Variants in NPAS2 observed in about 807,000 individuals in gnomAD.
The protein encoded by NPAS2 is neuronal PAS domain-containing protein 2.
NPAS2 carries 23 observed loss-of-function variants against 107.5 expected under a neutral mutation model. The observed-to-expected ratio is 0.21, with a 90% CI of 0.15 to 0.30. The LOEUF is 0.30. Among genes scored for constraint, NPAS2 ranks in the 10% least tolerant of loss-of-function variants. The probability of loss-of-function intolerance (pLI) is 1.00; values close to 1 mark genes in which losing one functional copy is unlikely to be tolerated. For missense variants in NPAS2, 756 were observed against 1,043.3 expected (o/e 0.72, Z 3.79); for synonymous variants, 403 against 417.5 (o/e 0.97, Z 0.42).
chr2:100,878,902 T>A (rs972751269), intron 1 of NPAS2, among the ~76,000 whole-genome samples: 28 of 152,056 alleles, frequency 1.8e-4, no homozygotes, highest in African/African-American at 6.8e-4. Context: ...GTGGATCACT[T>A]GAGGTCAGGA....
chr2:100,960,706 C>A (rs896287143), intron 7 of NPAS2, among the ~76,000 whole-genome samples: 5 of 152,136 alleles, frequency 3.3e-5, no homozygotes, highest in African/African-American at 1.2e-4. Context: ...GGGCCACCAG[C>A]AGCACCAAGG....
Position 100,976,886 on chromosome 2 carries a change from C to T in NPAS2, c.1393-824C>T, listed in dbSNP as rs1032830829. On this transcript the variant is annotated intron_variant, in intron 14 of 20. Transcript: ENST00000335681. The surrounding 1 kb of genome is among the most constrained non-coding windows in gnomAD (Gnocchi z 4.1). ...ACCAGCTTCTGGATCAGCCCTGTGCCTGGGATTTCTCACTGAAACAAGGTC... is the reference window on the plus strand; with the variant it reads ...ACCAGCTTCTGGATCAGCCCTGTGCTTGGGATTTCTCACTGAAACAAGGTC... 6.6e-6 allele frequency: 1 copy of T among 152,134 alleles called. No individual in the cohort carries two copies. The highest frequency in any genetic ancestry group is 1.5e-5 in the Non-Finnish European group (1 of 68,050). The allele number at this position is 152,134 out of a possible 1,614,324, so 9.4% of individuals were successfully genotyped here.
At position 100,995,911 on chromosome 2, in the gene NPAS2, C is replaced by T. The variant is rs530418542; in HGVS notation, c.*329C>T. On this transcript the variant is annotated 3_prime_UTR_variant, in exon 21 of 21. Coordinates refer to ENST00000335681, the MANE Select transcript of NPAS2 (RefSeq NM_002518.4). ...CTCGCTGCATCCCCCGAGAGTACACCGGTTGCTCTAGCCACCTGCGGCCCG... is the reference window on the plus strand; with the variant it reads ...CTCGCTGCATCCCCCGAGAGTACACTGGTTGCTCTAGCCACCTGCGGCCCG... The T allele has an allele frequency of 1.9e-5, 27 of 1,429,464 alleles. 1 individual carries two copies. In the Admixed American group the frequency reaches 3.0e-4, roughly 16 times the overall value. The allele number at this position is 1,429,464 out of a possible 1,614,324, so 88.5% of individuals were successfully genotyped here.
intron 1 of NPAS2, among the ~76,000 whole-genome samples, chr2:100,871,938 A>C (rs1679615877): frequency 6.6e-6 from 1 of 152,066 alleles, no homozygotes; most frequent in Admixed American, 6.6e-5. Context: ...CCTTTGGGGG[A>C]AGGCAGATAT....
At chr2:100,949,330 G>A (rs368720531) in intron 6 of NPAS2, 37 bp from the exon 7 acceptor site, 60 of 1,201,462 alleles carry the variant, frequency 5.0e-5, no homozygotes, top group Non-Finnish European at 6.7e-5. Flanking sequence ...CAATGCTCAC[G>A]ACCCCTTTCT....
At chr2:100,843,692 CTTGA>C (rs1298724390) in intron 1 of NPAS2, among the ~76,000 whole-genome samples, 1 of 152,038 alleles carries the variant, frequency 6.6e-6, no homozygotes, top group Non-Finnish European at 1.5e-5. Flanking sequence ...TTAACATTTT[CTTGA>C]TTAAGAAAAA....
intron 1 of NPAS2, among the ~76,000 whole-genome samples, chr2:100,842,081 G>GTGCGCGCGCACACACACACA (rs1553441796): frequency 6.7e-6 from 1 of 148,798 alleles, no homozygotes; most frequent in Non-Finnish European, 1.5e-5. Flanking sequence ...GCATGTACGC[G>GTGCGCGCGCACACACACACA]CACACACACA....
intron 1 of NPAS2, among the ~76,000 whole-genome samples, chr2:100,863,414 G>T (rs779067579): frequency 6.6e-6 from 1 of 152,222 alleles, no homozygotes; most frequent in African/African-American, 2.4e-5. Flanking sequence ...CTGTGTGTTA[G>T]AGAAAGAGAT....
chr2:100,958,212 G>A lies in NPAS2; in HGVS notation c.599-5846G>A, dbSNP rs547644037. Among the ~76,000 whole-genome samples the A allele has an allele frequency of 1.3e-4, 20 of 152,208 alleles. 1 individual carries two copies. In the East Asian group the frequency reaches 2.7e-3, roughly 21 times the overall value. Reference sequence around the variant, plus strand: ...TCGTTTTACCTACTCGCCTCTAACCGCACAACCAGATTTGAAATACTGGCA... The same window carrying A: ...TCGTTTTACCTACTCGCCTCTAACCACACAACCAGATTTGAAATACTGGCA... On this transcript the variant is annotated intron_variant, in intron 7 of 20. Coordinates refer to ENST00000335681, the MANE Select transcript of NPAS2 (RefSeq NM_002518.4).
At chr2:100,901,711 C>G (rs1681791761) in intron 1 of NPAS2, 1 of 195,698 alleles carries the variant, frequency 5.1e-6, no homozygotes, top group Admixed American at 6.5e-5. Flanking sequence ...TAATTTCCCT[C>G]TTGTCCCTTC....
At chr2:100,974,062 G>A (rs1317769683) in intron 12 of NPAS2, among the ~76,000 whole-genome samples, 1 of 151,958 alleles carries the variant, frequency 6.6e-6, no homozygotes, top group Non-Finnish European at 1.5e-5. Context: ...GGCTGGTCTC[G>A]AACTCCTGAC....
chr2:100,835,462 G>A (rs550980114), intron 1 of NPAS2, among the ~76,000 whole-genome samples: 112 of 152,252 alleles, frequency 7.4e-4, no homozygotes, highest in Non-Finnish European at 1.3e-3. Flanking sequence ...TTTGGTGTCC[G>A]TGCTCGACTC....
At chr2:100,956,421 G>A (rs1158642837) in intron 7 of NPAS2, among the ~76,000 whole-genome samples, 1 of 152,038 alleles carries the variant, frequency 6.6e-6, no homozygotes, top group African/African-American at 2.4e-5. Context: ...ATGTCCATGT[G>A]TACTCAATAT....
intron 1 of NPAS2, among the ~76,000 whole-genome samples, chr2:100,852,144 C>T (rs886508716): frequency 2.0e-5 from 3 of 152,094 alleles, no homozygotes; most frequent in Admixed American, 2.0e-4. Flanking sequence ...TGCCTGTAAT[C>T]CCAGCACTTT....
chr2:100,823,901 G>T (rs1469279036), intron 1 of NPAS2, among the ~76,000 whole-genome samples: 5 of 152,276 alleles, frequency 3.3e-5, no homozygotes, highest in African/African-American at 1.2e-4. Context: ...TGAATGGAGA[G>T]CCTTGTGACT....
intron 12 of NPAS2, among the ~76,000 whole-genome samples, chr2:100,974,364 G>A (rs1459124166): frequency 6.6e-6 from 1 of 152,152 alleles, no homozygotes; most frequent in Non-Finnish European, 1.5e-5. Flanking sequence ...TGCAGAGAAT[G>A]AGTAACAGGA....
chr2:100,886,735 G>A (rs1680724043), intron 1 of NPAS2, among the ~76,000 whole-genome samples: 1 of 152,200 alleles, frequency 6.6e-6, no homozygotes, highest in Non-Finnish European at 1.5e-5. Flanking sequence ...ATAAATGGTA[G>A]ATTTCCCATC....
At chr2:100,882,823 A>G (rs1680458867) in intron 1 of NPAS2, among the ~76,000 whole-genome samples, 1 of 151,924 alleles carries the variant, frequency 6.6e-6, no homozygotes, top group Non-Finnish European at 1.5e-5. Context: ...ACGCACACAC[A>G]TGCCATGCAC....
intron 6 of NPAS2, 37 bp from the exon 7 acceptor site, chr2:100,949,330 G>C (rs368720531): frequency 3.3e-6 from 4 of 1,201,462 alleles, no homozygotes; most frequent in Non-Finnish European, 5.0e-6. Flanking sequence ...CAATGCTCAC[G>C]ACCCCTTTCT....
Sources: gnomAD v4.1 joint callset for allele counts (sites outside exome capture counted in the v4.1 genomes callset) on GRCh38, gnomAD v4.1.1 for gene constraint, Gnocchi (gnomAD v3.1) non-coding constraint, MANE v1.5 for transcripts, NCBI Gene and HGNC (gene_info 2026-07-23, HGNC 2026-07-21) for gene names.